Variants in DDHD1 observed in about 807,000 individuals in gnomAD.
DDHD1 encodes phospholipase DDHD1.
Under a neutral mutation model 96.4 loss-of-function variants are expected in DDHD1, and 49 were observed. The ratio of observed to expected loss-of-function variants is 0.51; its 90% CI spans 0.40 to 0.64. DDHD1 has a LOEUF of 0.64. Ranked by LOEUF, DDHD1 falls within the 30% of genes least tolerant of loss-of-function variation. The pLI is 0.00. For missense variants in DDHD1, 1,106 were observed against 1,161.2 expected (o/e 0.95, Z 0.69); for synonymous variants, 442 against 446.5 (o/e 0.99, Z 0.13).
intron 1 of DDHD1, among the ~76,000 whole-genome samples, chr14:53,151,686 A>T (rs886438980): frequency 6.6e-6 from 1 of 152,256 alleles, no homozygotes; most frequent in Non-Finnish European, 1.5e-5. Context: ...AGAATCCAGT[A>T]TTCCACCGAG....
At position 53,091,857 on chromosome 14, in the gene DDHD1, G is replaced by A. The variant is rs142005917; in HGVS notation, c.1217C>T (p.Thr406Ile). 1.5e-5 allele frequency: 25 copies of A among 1,613,686 alleles called. No homozygotes were observed. The African/African-American group carries it at 3.2e-4, about 21-fold the overall frequency. Residue 406 changes from threonine (T) to isoleucine (I), a missense_variant, in exon 4 of 13, where the codon ACC becomes ATC. Transcript: ENST00000673822. ...ATLEDKPSQT[T>I]HIVFVVHGIG... The stretch of plus-strand genomic sequence containing the variant: ...GCCATGCACAACAAATACAATATGG[G>A]TAGTCTGTGATGGCTTGTCTTCTAA...
chr14:53,061,434 T>C (rs2139863380), intron 7 of DDHD1: 2 of 382,828 alleles, frequency 5.2e-6, no homozygotes, highest in East Asian at 8.8e-5. Context: ...GTTAACAGCT[T>C]TTTTGTAGTA....
intron 8 of DDHD1, among the ~76,000 whole-genome samples, chr14:53,059,078 C>A (rs959228216): frequency 4.6e-5 from 7 of 152,006 alleles, no homozygotes; most frequent in Non-Finnish European, 5.9e-5. Flanking sequence ...ATAATTCCAA[C>A]TTTGAAGGCT....
intron 1 of DDHD1, among the ~76,000 whole-genome samples, chr14:53,114,834 A>G (rs973128268): frequency 5.3e-5 from 8 of 152,170 alleles, no homozygotes; most frequent in Middle Eastern, 3.4e-3. Context: ...AATTATCGCA[A>G]CTCCTCTCCA....
At chr14:53,114,943 T>C (rs1888430664) in intron 1 of DDHD1, among the ~76,000 whole-genome samples, 1 of 152,204 alleles carries the variant, frequency 6.6e-6, no homozygotes, top group African/African-American at 2.4e-5. Context: ...TAAAGGAGCA[T>C]GTCCTAACCC....
chr14:53,113,557 T>C (rs758129761), intron 1 of DDHD1, among the ~76,000 whole-genome samples: 14 of 152,092 alleles, frequency 9.2e-5, no homozygotes, highest in Non-Finnish European at 1.8e-4. Flanking sequence ...GCCCCGTTCA[T>C]TTCATTGGAA....
At chr14:53,119,028 G>T (rs903648855) in intron 1 of DDHD1, among the ~76,000 whole-genome samples, 1 of 152,120 alleles carries the variant, frequency 6.6e-6, no homozygotes, top group African/African-American at 2.4e-5. Context: ...TAAAGAAAAG[G>T]ATTTTCAACC....
chr14:53,103,210 G>T, intron 2 of DDHD1: 1 of 568,458 alleles, frequency 1.8e-6, no homozygotes, highest in Non-Finnish European at 2.9e-6. Flanking sequence ...GAAATGTAAT[G>T]AGTAGATTGT....
rs1891530318 is a variant in DDHD1 at position 53,152,731 on chromosome 14, G to A, written c.368C>T (p.Pro123Leu). ...SSLSLHPPQQPPLVPTNSGGG... is the reference protein window; with the variant it reads ...SSLSLHPPQQLPLVPTNSGGG... ...CCCCGAGTTCGTCGGGACCAGCGGA[G>A]GCTGCTGCGGCGGGTGCAGCGACAA... Residue 123 changes from proline to leucine, a missense_variant, in exon 1 of 13, where the codon CCT becomes CTT. Pro to Leu is a moderately conservative substitution (Grantham distance 98, BLOSUM62 -3). Coordinates refer to ENST00000673822, the MANE Select transcript of DDHD1 (RefSeq NM_001160148.2). 1.3e-5 allele frequency: 21 copies of A among 1,599,180 alleles called. No homozygotes were observed. Among genetic ancestry groups the A allele is most frequent in the Non-Finnish European group, 1.6e-5 (19 of 1,173,598 alleles).
chr14:53,152,644 G>A lies in DDHD1; in HGVS notation c.455C>T (p.Ala152Val), dbSNP rs1274664920. ...CACTACCTCATAGCGGTGCCGGGCC[G>A]CCGGGCCGCCAAGCCGGGTACGTTT... Reference protein sequence around the residue: ...ERKRTRLGGPAARHRYEVVTE... With the variant: ...ERKRTRLGGPVARHRYEVVTE... Residue 152 changes from alanine (A) to valine (V), a missense_variant, in exon 1 of 13, where the codon GCG (alanine) becomes GTG (valine). Around this residue, in one of 2 missense-constraint regions of DDHD1, gnomAD observed 456 missense variants for 402.4 expected, o/e 1.13. Transcript: ENST00000673822. The A allele has an allele frequency of 3.0e-5, 49 of 1,612,910 alleles. No individual in the cohort carries two copies. The highest frequency in any genetic ancestry group is 3.7e-5 in the Non-Finnish European group (44 of 1,179,878).
chr14:53,092,734 A>G (rs1209368480), intron 3 of DDHD1: 1 of 152,450 alleles, frequency 6.6e-6, no homozygotes, highest in Non-Finnish European at 1.5e-5. Flanking sequence ...AATCCTAGTT[A>G]CTGAGGAGGC....
chr14:53,065,770 C>G (rs554811120), intron 6 of DDHD1, among the ~76,000 whole-genome samples: 1 of 152,322 alleles, frequency 6.6e-6, no homozygotes, highest in East Asian at 1.9e-4. Flanking sequence ...CACTCAGTCT[C>G]TACCTTAGTG....
chr14:53,118,215 G>A (rs1040873669), intron 1 of DDHD1, among the ~76,000 whole-genome samples: 1 of 152,212 alleles, frequency 6.6e-6, no homozygotes, highest in Non-Finnish European at 1.5e-5. Context: ...AGAAACCACA[G>A]CAGAAAAGCT....
chr14:53,118,805 CAG>C (rs1464125590), intron 1 of DDHD1, among the ~76,000 whole-genome samples: 1 of 152,152 alleles, frequency 6.6e-6, no homozygotes, highest in Non-Finnish European at 1.5e-5. Flanking sequence ...TCAGGAAATA[CAG>C]AGAACACCAT....
chr14:53,067,322 C>A (rs147237703), intron 6 of DDHD1, among the ~76,000 whole-genome samples: 1,531 of 152,008 alleles, frequency 0.01, 32 homozygotes, highest in African/African-American at 0.035. Context: ...CCATGCCTGG[C>A]TAATTTTTCT....
At chr14:53,094,315 T>TA (rs1886690842) in intron 2 of DDHD1, among the ~76,000 whole-genome samples, 1 of 152,220 alleles carries the variant, frequency 6.6e-6, no homozygotes, top group Non-Finnish European at 1.5e-5. Flanking sequence ...AGCCAATAAT[T>TA]ATTGGATATT....
Position 53,153,091 on chromosome 14 carries a change from TA to T in DDHD1, c.7del (p.Tyr3ThrfsTer157). 7.0e-7 allele frequency: 1 copy of T among 1,429,896 alleles called. No individual in the cohort carries two copies. The highest frequency in any genetic ancestry group is 2.9e-5 in the East Asian group (1 of 34,410). The allele number at this position is 1,429,896 out of a possible 1,614,324, so 88.6% of individuals were successfully genotyped here. A position where few individuals can be genotyped will look rare whatever the true frequency, so the allele number is the denominator to read the frequency against. MN[Y>X]PGRGSPRSPE... ...GCTCCGTGGGGACCCGCGGCCCGGGTAATTCATGCTGTGGAGACGCCGCCGG... is the reference window on the plus strand; with the variant it reads ...GCTCCGTGGGGACCCGCGGCCCGGGTATTCATGCTGTGGAGACGCCGCCGG... On this transcript the variant is annotated frameshift_variant, in exon 1 of 13. Coordinates refer to ENST00000673822, the MANE Select transcript of DDHD1 (RefSeq NM_001160148.2). LOFTEE classifies it high-confidence loss of function.
intron 4 of DDHD1, among the ~76,000 whole-genome samples, chr14:53,079,744 T>C (rs1456111806): frequency 1.3e-5 from 2 of 152,220 alleles, no homozygotes; most frequent in Non-Finnish European, 2.9e-5. Context: ...TACAACTGCA[T>C]ACTACTCCAT....
chr14:53,063,520 A>G (rs186661809), intron 6 of DDHD1, among the ~76,000 whole-genome samples: 19 of 152,132 alleles, frequency 1.2e-4, no homozygotes, highest in Admixed American at 6.5e-4. Context: ...GCAAATACCA[A>G]TAAGATTTTC....
Sources: gnomAD v4.1 joint callset for allele counts (sites outside exome capture counted in the v4.1 genomes callset) on GRCh38, gnomAD v4.1.1 for gene constraint, gnomAD v4.1.1 regional missense constraint, MANE v1.5 for transcripts, NCBI Gene and HGNC (gene_info 2026-07-23, HGNC 2026-07-21) for gene names.